TBC1D8: variants seen among roughly 807,000 people sequenced by gnomAD.
The protein encoded by TBC1D8 is BUB2-like protein 1.
Under a neutral mutation model 118.8 loss-of-function variants are expected in TBC1D8, and 65 were observed. That is an observed-to-expected ratio of 0.55 (90% CI 0.45 to 0.67). The LOEUF is 0.67. Ranked by LOEUF, TBC1D8 falls within the 30% of genes least tolerant of loss-of-function variation. The probability of loss-of-function intolerance (pLI) is 0.00; values close to 1 mark genes in which losing one functional copy is unlikely to be tolerated. For missense variants in TBC1D8, 1,376 were observed against 1,471.2 expected, an observed-to-expected ratio of 0.94 and a Z score of 1.06; for synonymous variants, 566 against 595.8, an observed-to-expected ratio of 0.95 and a Z score of 0.73.
intron 9 of TBC1D8, among the ~76,000 whole-genome samples, chr2:101,034,855 C>T (rs1176946785): frequency 6.6e-6 from 1 of 152,148 alleles, no homozygotes; most frequent in East Asian, 1.9e-4. Context: ...GGTGTTTCAA[C>T]ACTGCGCCTC....
chr2:101,079,060 CAAG>C (rs1558682045), intron 2 of TBC1D8, among the ~76,000 whole-genome samples: 1 of 152,082 alleles, frequency 6.6e-6, no homozygotes, highest in Non-Finnish European at 1.5e-5. Flanking sequence ...CAAAACTGGC[CAAG>C]AAGGAGAGCT....
intron 10 of TBC1D8, chr2:101,032,620 A>G (rs910644076): frequency 1.1e-5 from 5 of 461,702 alleles, no homozygotes; most frequent in African/African-American, 5.8e-5. Context: ...CCATCTAGCA[A>G]TGTGGAATTT....
At chr2:101,135,512 T>G (rs148341575) in intron 1 of TBC1D8, among the ~76,000 whole-genome samples, 1 of 152,348 alleles carries the variant, frequency 6.6e-6, no homozygotes, top group Admixed American at 6.5e-5. Flanking sequence ...CTCACCTGAC[T>G]GTGAAGCCAC....
chr2:101,029,815 A>C, intron 11 of TBC1D8, 39 bp from the exon 12 acceptor site: 1 of 1,593,490 alleles, frequency 6.3e-7, no homozygotes, highest in South Asian at 1.1e-5. Flanking sequence ...CTGGGGTAGG[A>C]CTCACTCTCT....
chr2:101,144,348 G>A (rs781569501), intron 1 of TBC1D8, among the ~76,000 whole-genome samples: 2 of 152,142 alleles, frequency 1.3e-5, no homozygotes, highest in African/African-American at 4.8e-5. Context: ...CCAGGAAGTG[G>A]AGCTCAGGCG....
chr2:101,011,394 G>C, intron 18 of TBC1D8, 57 bp downstream of exon 18: 2 of 1,563,420 alleles, frequency 1.3e-6, no homozygotes, highest in Admixed American at 1.7e-5. Context: ...CAACCCCGGT[G>C]CCTCCCGCCA....
chr2:101,029,965 TA>T (rs1558634528), intron 11 of TBC1D8, 189 bp from the exon 12 acceptor site: 29 of 546,752 alleles, frequency 5.3e-5, no homozygotes, highest in East Asian at 8.9e-5. Context: ...ATAGCCTTTT[TA>T]AAAAAAATAC....
chr2:101,016,636 G>A lies in TBC1D8; in HGVS notation c.2827+5045C>T, dbSNP rs1223474881. 3.9e-5 allele frequency among the ~76,000 whole-genome samples: 6 copies of A among 152,226 alleles called. No homozygotes were observed. The South Asian group carries it at 1.0e-3, about 26-fold the overall frequency. On this transcript the variant is annotated intron_variant, in intron 17 of 19. Transcript: ENST00000409318. ...AGACACATGCACACGTATGTTTATT[G>A]CGGCACTATTCACAATAGCAAAGAC...
chr2:101,017,792 G>T, intron 17 of TBC1D8: 1 of 1,529,448 alleles, frequency 6.5e-7, no homozygotes, highest in South Asian at 1.2e-5. Flanking sequence ...GACAAGCTCA[G>T]GACTTTTTAA....
chr2:101,054,687 T>G (rs1000832362), intron 3 of TBC1D8, among the ~76,000 whole-genome samples: 2 of 125,600 alleles, frequency 1.6e-5, no homozygotes, highest in African/African-American at 6.0e-5. Flanking sequence ...TTTTTTTTTT[T>G]TTTTTTTTTT....
chr2:101,103,023 A>G (rs1046222096), intron 1 of TBC1D8, among the ~76,000 whole-genome samples: 22 of 152,186 alleles, frequency 1.4e-4, no homozygotes, highest in African/African-American at 4.3e-4. Flanking sequence ...AAGGAGGCCA[A>G]CGTTCCTGTA....
At chr2:101,059,290 C>T (rs1428880621) in intron 3 of TBC1D8, 131 bp downstream of exon 3, 3 of 498,988 alleles carry the variant, frequency 6.0e-6, no homozygotes, top group South Asian at 2.4e-5. Context: ...ATAAATGAAA[C>T]TTATTTGGCA....
intron 7 of TBC1D8, among the ~76,000 whole-genome samples, chr2:101,038,109 G>T (rs546137873): frequency 6.6e-6 from 1 of 152,224 alleles, no homozygotes; most frequent in East Asian, 1.9e-4. Context: ...ATGAAAAAAG[G>T]AGACCAGGCC....
chr2:101,027,760 C>T (rs1024771832), intron 14 of TBC1D8, among the ~76,000 whole-genome samples: 1 of 152,222 alleles, frequency 6.6e-6, no homozygotes. Flanking sequence ...AATGCCCCTG[C>T]GGGCCCCCTG....
Position 101,054,341 on chromosome 2 carries a change from C to G in TBC1D8, c.403-5G>C, listed in dbSNP as rs1437643925. The G allele has an allele frequency of 6.4e-7, 1 of 1,556,082 alleles. No individual in the cohort carries two copies. The highest frequency in any genetic ancestry group is 1.2e-5 in the South Asian group (1 of 84,338). ...GGTCTCCTCGGCTATCAGAGCCTGA[C>G]ACACAGAGATGACAGTCCCTGCTCA... On this transcript the variant is annotated splice_region_variant and splice_polypyrimidine_tract_variant and intron_variant, in intron 3 of 19. Transcript: ENST00000409318.
Position 101,021,737 on chromosome 2 carries a change from T to C in TBC1D8, c.2771A>G (p.Tyr924Cys), listed in dbSNP as rs183633494. 1.0e-5 allele frequency: 16 copies of C among 1,578,282 alleles called. No individual in the cohort carries two copies. The East Asian group carries it at 3.6e-4, about 36-fold the overall frequency. The change falls in exon 17 of 20, where the codon TAT (tyrosine) becomes TGT (cysteine). Residue 924 changes from tyrosine (Y) to cysteine (C), a missense_variant. Transcript: ENST00000409318. ...KAFVSCLDIM[Y>C]NGEMNEKIKL... is the part of the protein sequence containing the mutation. Reference sequence around the variant, plus strand: ...AATCTTCTCATTCATTTCTCCATTATACATAATATCTGCAAAAAGTTTAAA... The same window carrying C: ...AATCTTCTCATTCATTTCTCCATTACACATAATATCTGCAAAAAGTTTAAA...
intron 1 of TBC1D8, 127 bp from the exon 2 acceptor site, chr2:101,090,491 C>A (rs1253207006): frequency 4.1e-6 from 4 of 976,806 alleles, no homozygotes. Flanking sequence ...ACATCCAGTT[C>A]TTCAACTCAC....
At chr2:101,118,669 T>C (rs532831568) in intron 1 of TBC1D8, among the ~76,000 whole-genome samples, 73 of 140,022 alleles carry the variant, frequency 5.2e-4, no homozygotes, top group Admixed American at 2.2e-3. Context: ...TGCACTCCAG[T>C]CTGGGCGACA....
intron 17 of TBC1D8, chr2:101,019,024 G>A (rs781326112): frequency 6.8e-6 from 11 of 1,611,916 alleles, no homozygotes; most frequent in East Asian, 4.5e-5. Flanking sequence ...TGTTACAGTC[G>A]CCAAGAGCCC....
Sources: allele counts gnomAD v4.1 joint callset (sites outside exome capture counted in the v4.1 genomes callset), GRCh38; gene constraint gnomAD v4.1.1; transcripts MANE v1.5; gene names NCBI Gene and HGNC (gene_info 2026-07-23, HGNC 2026-07-21).